The following TTC28 variants were observed in gnomAD, a reference collection of about 807,000 sequenced individuals.
TTC28 encodes tetratricopeptide repeat domain 28.
TTC28 carries 61 observed loss-of-function variants against 198.0 expected under a neutral mutation model. The observed-to-expected ratio is 0.31, with a 90% confidence interval of 0.25 to 0.38. The LOEUF (loss-of-function observed/expected upper bound fraction) is 0.38. Ranked by LOEUF, TTC28 falls within the 10% of genes least tolerant of loss-of-function variation. TTC28 has a pLI of 1.00. For missense variants in TTC28, 2,678 were observed against 3,164.0 expected (o/e 0.85, Z 3.69); for synonymous variants, 1,171 against 1,297.8 (o/e 0.90, Z 2.10).
chr22:28,596,206 A>G (rs1354339339), intron 2 of TTC28, among the ~76,000 whole-genome samples: 1 of 152,200 alleles, frequency 6.6e-6, no homozygotes, highest in East Asian at 1.9e-4. Context: ...AAAAAAGACA[A>G]TTCCAGGTGT....
At chr22:28,370,335 A>C (rs2046313598) in intron 2 of TTC28, among the ~76,000 whole-genome samples, 1 of 152,174 alleles carries the variant, frequency 6.6e-6, no homozygotes, top group Admixed American at 6.5e-5. Context: ...TGGGTGAGCT[A>C]GTCCCAGATA....
intron 5 of TTC28, among the ~76,000 whole-genome samples, chr22:28,174,497 C>T (rs1009887917): frequency 2.6e-5 from 4 of 152,172 alleles, no homozygotes; most frequent in African/African-American, 9.7e-5. Context: ...CAACTTCGTA[C>T]ACTGAAGACC....
chr22:28,228,420 C>T (rs1035380234), intron 5 of TTC28, among the ~76,000 whole-genome samples: 2 of 152,154 alleles, frequency 1.3e-5, no homozygotes, highest in African/African-American at 4.8e-5. Flanking sequence ...ACATGTTTGG[C>T]CAGGTGCGGT....
At chr22:28,279,202 C>A (rs886643233) in intron 5 of TTC28, among the ~76,000 whole-genome samples, 2 of 152,110 alleles carry the variant, frequency 1.3e-5, no homozygotes, top group African/African-American at 4.8e-5. Context: ...CATATCTATA[C>A]ATCTTTTCAT....
rs776237037 is a variant in TTC28, at chr22:27,990,623, C to T, written c.5577+166G>A. Among the ~76,000 whole-genome samples, 274 of 151,858 alleles carry T rather than the reference C, an allele frequency of 1.8e-3. 1 individual carries two copies. The highest frequency in any genetic ancestry group is 2.3e-3 in the Non-Finnish European group (154 of 67,944). On this transcript the variant is annotated intron_variant, in intron 20 of 22. Coordinates refer to ENST00000397906, the MANE Select transcript of TTC28 (RefSeq NM_001145418.2). Reference sequence around the variant, plus strand: ...AGGGGAGGCAGAGCAGAGAAGGGGACGGGCCGCCAGTCCAGCAGCAGTGCG... The same window carrying T: ...AGGGGAGGCAGAGCAGAGAAGGGGATGGGCCGCCAGTCCAGCAGCAGTGCG...
chr22:28,486,568 T>C (rs991058700), intron 2 of TTC28, among the ~76,000 whole-genome samples: 4 of 152,206 alleles, frequency 2.6e-5, no homozygotes, highest in African/African-American at 9.6e-5. Flanking sequence ...AATACCTTCC[T>C]TGGTTGAAAT....
chr22:28,544,008 G>A (rs2049480558), intron 2 of TTC28, among the ~76,000 whole-genome samples: 2 of 152,160 alleles, frequency 1.3e-5, no homozygotes, highest in South Asian at 4.1e-4. Flanking sequence ...ATCACCTGAG[G>A]TCAGGAGTTT....
At chr22:28,459,593 T>A (rs2146273459) in intron 2 of TTC28, among the ~76,000 whole-genome samples, 1 of 152,300 alleles carries the variant, frequency 6.6e-6, no homozygotes, top group Admixed American at 6.5e-5. Flanking sequence ...GTTCTTAATT[T>A]TCGCAGAAAG....
intron 2 of TTC28, among the ~76,000 whole-genome samples, chr22:28,413,841 T>C (rs1426439676): frequency 6.6e-6 from 1 of 152,222 alleles, no homozygotes; most frequent in Non-Finnish European, 1.5e-5. Context: ...AGGAGGACTT[T>C]ACTTGCTTTG....
At chr22:28,590,246 G>A (rs1230452026) in intron 2 of TTC28, among the ~76,000 whole-genome samples, 1 of 150,580 alleles carries the variant, frequency 6.6e-6, no homozygotes, top group African/African-American at 2.4e-5. Context: ...TCCTGCCTCA[G>A]CCTCCTGAGT....
intron 5 of TTC28, among the ~76,000 whole-genome samples, chr22:28,246,157 G>T (rs1420974193): frequency 6.6e-6 from 1 of 152,090 alleles, no homozygotes; most frequent in Non-Finnish European, 1.5e-5. Flanking sequence ...TTAAACGAAG[G>T]AATACAATGT....
At chr22:28,062,221 C>A (rs890643922) in intron 12 of TTC28, among the ~76,000 whole-genome samples, 1 of 151,854 alleles carries the variant, frequency 6.6e-6, no homozygotes, top group Admixed American at 6.6e-5. Context: ...CCATGCCTGG[C>A]TAATTTTTTT....
intron 12 of TTC28, among the ~76,000 whole-genome samples, chr22:28,038,375 A>G (rs549643888): frequency 9.1e-4 from 139 of 152,336 alleles, no homozygotes; most frequent in African/African-American, 2.9e-3. Flanking sequence ...CACATCTACA[A>G]CTATCTGATC....
At chr22:28,290,143 T>C (rs2044760106) in intron 5 of TTC28, among the ~76,000 whole-genome samples, 1 of 152,184 alleles carries the variant, frequency 6.6e-6, no homozygotes, top group Non-Finnish European at 1.5e-5. Context: ...CAGCCAAAGA[T>C]GCAAGGGGTA....
chr22:28,015,024 C>A (rs1194338858), intron 13 of TTC28, among the ~76,000 whole-genome samples: 1 of 152,192 alleles, frequency 6.6e-6, no homozygotes, highest in African/African-American at 2.4e-5. Context: ...TGTTTCCAGG[C>A]ATAGTTTTAT....
chr22:28,616,123 A>G (rs1189493639), intron 2 of TTC28, among the ~76,000 whole-genome samples: 2 of 152,214 alleles, frequency 1.3e-5, no homozygotes, highest in Non-Finnish European at 2.9e-5. Flanking sequence ...TTGAGTTCTT[A>G]AACAATGGAC....
intron 2 of TTC28, among the ~76,000 whole-genome samples, chr22:28,565,021 C>T (rs1034393072): frequency 6.6e-6 from 1 of 151,466 alleles, no homozygotes; most frequent in Non-Finnish European, 1.5e-5. Context: ...TGACCAATAG[C>T]CATCATCAGA....
chr22:28,489,011 T>C (rs1237678386), intron 2 of TTC28, among the ~76,000 whole-genome samples: 1 of 152,098 alleles, frequency 6.6e-6, no homozygotes, highest in Non-Finnish European at 1.5e-5. Context: ...TGGCCAGGCA[T>C]AGTAGCTCAT....
chr22:28,571,820 T>C (rs2050064329), intron 2 of TTC28, among the ~76,000 whole-genome samples: 1 of 151,696 alleles, frequency 6.6e-6, no homozygotes, highest in African/African-American at 2.4e-5. Flanking sequence ...TGGTGGAACA[T>C]GCCTGTAGTC....
Sources: gnomAD v4.1 joint callset for allele counts (sites outside exome capture counted in the v4.1 genomes callset) on GRCh38, gnomAD v4.1.1 for gene constraint, MANE v1.5 for transcripts, NCBI Gene and HGNC (gene_info 2026-07-23, HGNC 2026-07-21) for gene names.